Variants in GBE1 observed in about 807,000 individuals in gnomAD.
The protein encoded by GBE1 is 1,4-alpha-glucan branching enzyme 1.
A neutral mutation model predicts 88.8 loss-of-function variants in GBE1; 70 were observed. The observed-to-expected ratio is 0.79, with a 90% CI of 0.65 to 0.96. The LOEUF (loss-of-function observed/expected upper bound fraction) is 0.96. Among genes scored for constraint, GBE1 ranks in the 40% least tolerant of loss-of-function variants. GBE1 has a pLI of 0.00. For missense variants in GBE1, 872 were observed against 871.0 expected, an observed-to-expected ratio of 1.00 and a Z score of -0.01; for synonymous variants, 284 against 300.1, an observed-to-expected ratio of 0.95 and a Z score of 0.56.
chr3:81,528,582 A>G (rs1702975783), intron 14 of GBE1, among the ~76,000 whole-genome samples: 1 of 151,970 alleles, frequency 6.6e-6, no homozygotes, highest in Non-Finnish European at 1.5e-5. Flanking sequence ...GGGGTATTGA[A>G]GTCTCCAGCT....
chr3:81,740,283 TTAATC>T (rs66685105), intron 1 of GBE1, among the ~76,000 whole-genome samples: 67,523 of 151,396 alleles, frequency 0.45, 16,066 homozygotes, highest in East Asian at 0.86. Flanking sequence ...TATTTATTAT[TTAATC>T]TATTCTTTTC....
intron 1 of GBE1, among the ~76,000 whole-genome samples, chr3:81,734,513 T>C (rs986984956): frequency 2.0e-5 from 3 of 152,200 alleles, no homozygotes; most frequent in Non-Finnish European, 4.4e-5. Context: ...GAGTTTATCA[T>C]CCAACATCTG....
rs369253279 is a variant in GBE1, at chr3:81,528,755, T to G, written c.1934+6440A>C. On this transcript the variant is annotated intron_variant, in intron 14 of 15. Coordinates refer to ENST00000429644, the MANE Select transcript of GBE1 (RefSeq NM_000158.4). ...TATTTGTCTCTTTTTATAAGTTTTGTCTCACAATCTATATTATCTGATATT... is the reference window on the plus strand; with the variant it reads ...TATTTGTCTCTTTTTATAAGTTTTGGCTCACAATCTATATTATCTGATATT... Among the ~76,000 whole-genome samples, 143 of 152,186 alleles carry G rather than the reference T, an allele frequency of 9.4e-4. 2 individuals are homozygous for G. The South Asian group carries it at 0.029, about 31-fold the overall frequency.
At chr3:81,654,901 T>G (rs1316254166) in intron 3 of GBE1, 1 of 152,128 alleles carries the variant, frequency 6.6e-6, no homozygotes, top group Non-Finnish European at 1.5e-5. Flanking sequence ...TTTAACAACA[T>G]GTATATTTTT....
intron 1 of GBE1, among the ~76,000 whole-genome samples, chr3:81,750,675 GTATATA>G (rs1187869776): frequency 3.6e-5 from 2 of 55,042 alleles, no homozygotes; most frequent in Non-Finnish European, 5.9e-5. Flanking sequence ...ATATATATAC[GTATATA>G]TATATATATA....
intron 12 of GBE1, among the ~76,000 whole-genome samples, chr3:81,553,793 C>G (rs1703310729): frequency 6.6e-6 from 1 of 151,476 alleles, no homozygotes; most frequent in Admixed American, 6.6e-5. Context: ...CAGAAGAGAA[C>G]AGATAAAGCA....
At chr3:81,522,341 A>C (rs1702885939) in intron 14 of GBE1, among the ~76,000 whole-genome samples, 1 of 151,570 alleles carries the variant, frequency 6.6e-6, no homozygotes, top group Non-Finnish European at 1.5e-5. Flanking sequence ...AGCACTGCAA[A>C]GTATTCGAAT....
chr3:81,671,052 C>A, intron 2 of GBE1, 99 bp from the exon 3 acceptor site: 1 of 518,378 alleles, frequency 1.9e-6, no homozygotes, highest in South Asian at 3.9e-5. Flanking sequence ...CACAAAAAAT[C>A]AAATTGTCTA....
At chr3:81,622,940 G>T (rs1704352978) in intron 7 of GBE1, among the ~76,000 whole-genome samples, 1 of 151,984 alleles carries the variant, frequency 6.6e-6, no homozygotes, top group Non-Finnish European at 1.5e-5. Flanking sequence ...CTTCTCACTG[G>T]ACTATTGCAA....
intron 12 of GBE1, among the ~76,000 whole-genome samples, chr3:81,559,461 T>A (rs956519586): frequency 9.0e-5 from 6 of 66,670 alleles, no homozygotes; most frequent in Admixed American, 6.9e-4. Flanking sequence ...TCTTCAGCCA[T>A]TTTTTTTCCA....
intron 10 of GBE1, among the ~76,000 whole-genome samples, chr3:81,585,216 C>T (rs1703786577): frequency 6.6e-6 from 1 of 151,972 alleles, no homozygotes; most frequent in East Asian, 1.9e-4. Context: ...CTATGCATTG[C>T]ACAAATTGCC....
At chr3:81,656,161 A>C (rs373021783) in intron 3 of GBE1, among the ~76,000 whole-genome samples, 1 of 152,098 alleles carries the variant, frequency 6.6e-6, no homozygotes, top group Admixed American at 6.5e-5. Context: ...TCCACACCCT[A>C]CGCCAAGAAT....
intron 1 of GBE1, among the ~76,000 whole-genome samples, chr3:81,708,750 A>G (rs1167123264): frequency 6.6e-6 from 1 of 152,194 alleles, no homozygotes; most frequent in Non-Finnish European, 1.5e-5. Flanking sequence ...AAAACCATGG[A>G]AAATAACCCA....
chr3:81,761,602 C>A lies in GBE1; in HGVS notation c.-85G>T, dbSNP rs1207190004. 4.0e-6 allele frequency: 6 copies of A among 1,495,722 alleles called. No homozygotes were observed. The highest frequency in any genetic ancestry group is 2.4e-4 in the Middle Eastern group (1 of 4,254). 92.7% of individuals were successfully genotyped at this position (1,495,722 alleles called of 1,614,324 possible). A position where few individuals can be genotyped will look rare whatever the true frequency, so the allele number is the denominator to read the frequency against. ...TGGAGCTCTAGCTGGGACGCGGCGG[C>A]TAGGGCGGAGCCGGAGGGCGCCTAG... On this transcript the variant is annotated 5_prime_UTR_variant, in exon 1 of 16. Coordinates refer to ENST00000429644, the MANE Select transcript of GBE1 (RefSeq NM_000158.4).
chr3:81,535,129 T>A, intron 14 of GBE1, 66 bp downstream of exon 14: 1 of 1,355,152 alleles, frequency 7.4e-7, no homozygotes, highest in Non-Finnish European at 9.9e-7. Context: ...TTTTTTTTTT[T>A]TTGTCCTATA....
At chr3:81,502,988 G>C (rs1476909668) in intron 14 of GBE1, among the ~76,000 whole-genome samples, 1 of 152,304 alleles carries the variant, frequency 6.6e-6, no homozygotes, top group South Asian at 2.1e-4. Context: ...ATGCCTAGCA[G>C]AGGACCTTCT....
chr3:81,490,876 TTTTCC>T (rs573551517), intron 15 of GBE1, among the ~76,000 whole-genome samples: 83 of 152,246 alleles, frequency 5.5e-4, no homozygotes, highest in Admixed American at 1.8e-3. Context: ...TTGTTTTTTT[TTTTCC>T]TTTCAAGAAC....
intron 2 of GBE1, among the ~76,000 whole-genome samples, chr3:81,677,811 T>C (rs1003056291): frequency 2.0e-5 from 3 of 152,170 alleles, no homozygotes; most frequent in Non-Finnish European, 2.9e-5. Context: ...ACACTTCCCC[T>C]CCCTATCACT....
intron 1 of GBE1, among the ~76,000 whole-genome samples, chr3:81,759,821 A>G (rs1202035077): frequency 1.3e-5 from 2 of 152,188 alleles, no homozygotes; most frequent in African/African-American, 4.8e-5. Context: ...CACTTAATAA[A>G]GAATGTTAAT....
Sources: allele counts gnomAD v4.1 joint callset (sites outside exome capture counted in the v4.1 genomes callset), GRCh38; gene constraint gnomAD v4.1.1; transcripts MANE v1.5; gene names NCBI Gene and HGNC (gene_info 2026-07-23, HGNC 2026-07-21).